The following EYS variants were observed in gnomAD, a reference collection of about 807,000 sequenced individuals.
EYS encodes protein eyes shut homolog.
A neutral mutation model predicts 282.1 loss-of-function variants in EYS; 250 were observed. The ratio of observed to expected loss-of-function variants is 0.89; its 90% CI spans 0.80 to 0.98. The LOEUF (loss-of-function observed/expected upper bound fraction) is 0.98. Ranked by LOEUF, EYS falls within the 50% of genes least tolerant of loss-of-function variation. EYS has a pLI of 0.00. For missense variants in EYS, 4,016 were observed against 3,709.0 expected (o/e 1.08, Z -2.15); for synonymous variants, 1,355 against 1,282.9 (o/e 1.06, Z -1.20).
At chr6:65,351,255 T>A (rs1382915397) in intron 9 of EYS, among the ~76,000 whole-genome samples, 1 of 151,784 alleles carries the variant, frequency 6.6e-6, no homozygotes, top group Admixed American at 6.6e-5. Context: ...CCAAGTCATT[T>A]AGATTCTCAG....
rs1582528715 is a variant in EYS at position 64,280,549 on chromosome 6, T to G, written c.6191+26421A>C. On this transcript the variant is annotated intron_variant, in intron 30 of 42. Transcript: ENST00000503581. ...GCTAAAGAAAAACTCCACCATAAATTTATACAGATGGTTCTATTTGTGTAC... is the reference window on the plus strand; with the variant it reads ...GCTAAAGAAAAACTCCACCATAAATGTATACAGATGGTTCTATTTGTGTAC... 2.0e-5 allele frequency among the ~76,000 whole-genome samples: 3 copies of G among 152,190 alleles called. No homozygotes were observed. In the Middle Eastern group the frequency reaches 0.01, roughly 518 times the overall value.
rs1489082435 is a variant in EYS at position 65,497,709 on chromosome 6, G to C, written c.-332-1716C>G. ...AAATCCTCACTTAACTTTGTCCATA[G>C]GTTCTTGGAAACTGCGACTTCAAGC... On this transcript the variant is annotated intron_variant, in intron 2 of 42. Transcript: ENST00000503581. Among the ~76,000 whole-genome samples the C allele has an allele frequency of 2.6e-5, 4 of 151,958 alleles. No homozygotes were observed. In the South Asian group the frequency reaches 8.3e-4, roughly 32 times the overall value.
At chr6:63,737,478 G>A (rs922215862) in intron 41 of EYS, among the ~76,000 whole-genome samples, 6 of 152,188 alleles carry the variant, frequency 3.9e-5, no homozygotes, top group Admixed American at 2.6e-4. Flanking sequence ...TGTGCTGTTG[G>A]ATTTGGTTTT....
In EYS at chr6:64,441,730, A is replaced by G. The variant is rs1289668464; in HGVS notation, c.5645-2378T>C. On this transcript the variant is annotated intron_variant, in intron 26 of 42. Coordinates refer to ENST00000503581, the MANE Select transcript of EYS (RefSeq NM_001142800.2). ...GGGTCTCATGAGATCTGATGATTTT[A>G]AAAACAAGAGTTGCCCTGCACAAGC... Among the ~76,000 whole-genome samples the G allele has an allele frequency of 4.6e-5, 7 of 152,286 alleles. No homozygotes were observed. In the East Asian group the frequency reaches 1.2e-3, roughly 25 times the overall value.
intron 34 of EYS, among the ~76,000 whole-genome samples, chr6:63,985,331 T>G (rs1000392443): frequency 4.6e-5 from 7 of 151,656 alleles, no homozygotes; most frequent in African/African-American, 1.7e-4. Context: ...GGCATTATCT[T>G]TCTCAAGTCA....
At chr6:65,259,319 G>A (rs1767556083) in intron 12 of EYS, among the ~76,000 whole-genome samples, 1 of 152,042 alleles carries the variant, frequency 6.6e-6, no homozygotes. Context: ...AATACAGAGT[G>A]AGTCATTAGG....
rs189302197 is a variant in EYS at position 63,861,332 on chromosome 6, T to C, written c.7228+2854A>G. Among the ~76,000 whole-genome samples the C allele has an allele frequency of 1.1e-3, 164 of 152,342 alleles. 2 individuals carry two copies. The highest frequency in any genetic ancestry group is 4.4e-5 in the Non-Finnish European group (3 of 68,028). Reference sequence around the variant, plus strand: ...TATATCTCCAGAAGAGATTTAAAATTTGTCCACTTATCTACATCCCCACTG... The same window carrying C: ...TATATCTCCAGAAGAGATTTAAAATCTGTCCACTTATCTACATCCCCACTG... On this transcript the variant is annotated intron_variant, in intron 36 of 42. Transcript: ENST00000503581.
chr6:64,582,994 A>C (rs1311336567), intron 26 of EYS, among the ~76,000 whole-genome samples: 1 of 152,202 alleles, frequency 6.6e-6, no homozygotes, highest in African/African-American at 2.4e-5. Flanking sequence ...GGTTAGTTCC[A>C]AATGAGGTTA....
At chr6:63,925,835 G>T (rs1476979460) in intron 35 of EYS, among the ~76,000 whole-genome samples, 2 of 151,970 alleles carry the variant, frequency 1.3e-5, no homozygotes, top group Non-Finnish European at 2.9e-5. Context: ...TAGTAGAGAC[G>T]GGGTTTCACC....
chr6:65,163,634 C>A (rs536500823), intron 12 of EYS, among the ~76,000 whole-genome samples: 31 of 151,214 alleles, frequency 2.1e-4, no homozygotes, highest in African/African-American at 7.5e-4. Context: ...GTATGTAGAG[C>A]AAGGATAAAG....
intron 23 of EYS, among the ~76,000 whole-genome samples, chr6:64,617,822 G>A (rs1767323829): frequency 6.6e-6 from 1 of 151,998 alleles, no homozygotes; most frequent in South Asian, 2.1e-4. Context: ...GCTCTTATCC[G>A]TGGTGCCATT....
At chr6:65,381,349 A>G (rs1469935631) in intron 8 of EYS, among the ~76,000 whole-genome samples, 1 of 152,132 alleles carries the variant, frequency 6.6e-6, no homozygotes, top group African/African-American at 2.4e-5. Flanking sequence ...CATCATCCTC[A>G]GCAAAGCAAC....
At chr6:64,359,869 T>C (rs1771948340) in intron 29 of EYS, among the ~76,000 whole-genome samples, 1 of 151,662 alleles carries the variant, frequency 6.6e-6, no homozygotes, top group Admixed American at 6.6e-5. Flanking sequence ...CATATGAATT[T>C]TGAGGGACAC....
intron 2 of EYS, among the ~76,000 whole-genome samples, chr6:65,612,378 T>G (rs1766032681): frequency 6.6e-6 from 1 of 151,724 alleles, no homozygotes; most frequent in South Asian, 2.1e-4. Context: ...TCTATCTGAT[T>G]ACTGCTTAAA....
chr6:65,089,372 A>G (rs1185755283), intron 12 of EYS, among the ~76,000 whole-genome samples: 2 of 152,226 alleles, frequency 1.3e-5, no homozygotes, highest in Non-Finnish European at 2.9e-5. Context: ...CTCTTGCATC[A>G]GCATGACCTA....
intron 12 of EYS, among the ~76,000 whole-genome samples, chr6:65,273,569 T>G (rs1856469): frequency 0.97 from 147,078 of 152,174 alleles, 71,273 homozygotes; most frequent in East Asian, 1. Context: ...CCAGAGCAAG[T>G]TTGAAGGGGA....
intron 36 of EYS, among the ~76,000 whole-genome samples, chr6:63,833,824 A>G (rs1361987168): frequency 1.3e-5 from 2 of 152,242 alleles, no homozygotes; most frequent in Non-Finnish European, 2.9e-5. Flanking sequence ...ACAAGGCTAC[A>G]GTAACCAAAA....
intron 12 of EYS, among the ~76,000 whole-genome samples, chr6:65,252,435 G>A (rs922952047): frequency 1.3e-5 from 2 of 151,950 alleles, no homozygotes; most frequent in Admixed American, 1.3e-4. Flanking sequence ...AAGGCTCAGG[G>A]AAGACATTGG....
intron 26 of EYS, among the ~76,000 whole-genome samples, chr6:64,505,754 TA>T (rs1487458438): frequency 1.3e-5 from 2 of 152,216 alleles, no homozygotes; most frequent in African/African-American, 4.8e-5. Context: ...AGAATCTAAA[TA>T]TTAAAGGTAA....
Sources: allele counts gnomAD v4.1 joint callset (sites outside exome capture counted in the v4.1 genomes callset), GRCh38; gene constraint gnomAD v4.1.1; transcripts MANE v1.5; gene names NCBI Gene and HGNC (gene_info 2026-07-23, HGNC 2026-07-21).